The following STAU2 variants were observed in gnomAD, a reference collection of about 807,000 sequenced individuals.
The protein encoded by STAU2 is double-stranded RNA-binding protein Staufen homolog 2.
Under a neutral mutation model 65.9 loss-of-function variants are expected in STAU2, and 20 were observed. The ratio of observed to expected loss-of-function variants is 0.30; its 90% CI spans 0.21 to 0.44. The LOEUF (loss-of-function observed/expected upper bound fraction) is 0.44, where lower values mean the gene tolerates loss of function less well. STAU2 is among the 20% of genes least tolerant of loss of function. STAU2 has a pLI of 1.00. For missense variants in STAU2, 558 were observed against 683.9 expected (o/e 0.82, Z 2.05); for synonymous variants, 232 against 233.9 (o/e 0.99, Z 0.07).
intron 13 of STAU2, among the ~76,000 whole-genome samples, chr8:73,443,704 T>A (rs909200325): frequency 3.3e-5 from 5 of 152,008 alleles, no homozygotes; most frequent in African/African-American, 1.2e-4. Flanking sequence ...AAAAATTAGC[T>A]GGGTGTGGTG....
intron 6 of STAU2, among the ~76,000 whole-genome samples, chr8:73,646,741 T>C (rs1205348127): frequency 6.6e-6 from 1 of 151,898 alleles, no homozygotes; most frequent in Non-Finnish European, 1.5e-5. Flanking sequence ...ATAAAAAACT[T>C]CTGCTCTATG....
chr8:73,725,553 T>C (rs1478077664), intron 3 of STAU2, among the ~76,000 whole-genome samples: 1 of 152,208 alleles, frequency 6.6e-6, no homozygotes. Flanking sequence ...TCCCAACACT[T>C]TGGGAGGCCA....
At chr8:73,460,942 T>C (rs570539483) in intron 13 of STAU2, among the ~76,000 whole-genome samples, 7 of 152,334 alleles carry the variant, frequency 4.6e-5, no homozygotes, top group Admixed American at 2.6e-4. Context: ...ACTGTAGCTC[T>C]GAGCTTCTGT....
chr8:73,710,038 G>A (rs916905241), intron 3 of STAU2, among the ~76,000 whole-genome samples: 2 of 151,954 alleles, frequency 1.3e-5, no homozygotes, highest in African/African-American at 4.8e-5. Context: ...CTCCTCTACT[G>A]AGACACTGGG....
chr8:73,427,655 G>A (rs970345313), intron 13 of STAU2, among the ~76,000 whole-genome samples: 4 of 152,208 alleles, frequency 2.6e-5, no homozygotes, highest in African/African-American at 9.6e-5. Context: ...TCCATCAACC[G>A]GGGCCCACTG....
At chr8:73,468,696 A>G (rs1479988137) in intron 13 of STAU2, among the ~76,000 whole-genome samples, 1 of 152,274 alleles carries the variant, frequency 6.6e-6, no homozygotes, top group African/African-American at 2.4e-5. Flanking sequence ...CAACAGACAT[A>G]TGAAAAAATG....
intron 6 of STAU2, among the ~76,000 whole-genome samples, chr8:73,621,550 G>C (rs1314148649): frequency 6.6e-6 from 1 of 152,112 alleles, no homozygotes; most frequent in Non-Finnish European, 1.5e-5. Context: ...TTTTTCTCAA[G>C]TAGAATTCTG....
At chr8:73,554,549 G>A (rs943872382) in intron 12 of STAU2, among the ~76,000 whole-genome samples, 3 of 152,196 alleles carry the variant, frequency 2.0e-5, no homozygotes, top group Non-Finnish European at 4.4e-5. Context: ...CCTGCACTGT[G>A]AGGAGGGATT....
chr8:73,420,660 TG>T lies in STAU2; in HGVS notation c.*711del. On this transcript the variant is annotated 3_prime_UTR_variant, in exon 15 of 15. Transcript: ENST00000524300. ...TATAGGGGCAAGACGCCCCCTTACT[TG>T]CTAAGAGTATATGGAGCTCAAAACC... 1 of 164,556 alleles carries T rather than the reference TG, an allele frequency of 6.1e-6. No individual in the cohort carries two copies. The highest frequency in any genetic ancestry group is 5.8e-5 in the Admixed American group (1 of 17,342). 10.2% of individuals were successfully genotyped at this position (164,556 alleles called of 1,614,324 possible). A position where few individuals can be genotyped will look rare whatever the true frequency, so the allele number is the denominator to read the frequency against.
At chr8:73,668,183 CTA>C (rs1817375156) in intron 6 of STAU2, among the ~76,000 whole-genome samples, 1 of 151,962 alleles carries the variant, frequency 6.6e-6, no homozygotes, top group Non-Finnish European at 1.5e-5. Context: ...AGTCTACAGA[CTA>C]TACAGTGTAT....
At chr8:73,462,852 C>A (rs1819443685) in intron 13 of STAU2, among the ~76,000 whole-genome samples, 1 of 152,230 alleles carries the variant, frequency 6.6e-6, no homozygotes, top group Non-Finnish European at 1.5e-5. Flanking sequence ...AAGACAACTT[C>A]TTTGAGTGCC....
chr8:73,536,424 G>C (rs769546890), intron 13 of STAU2, among the ~76,000 whole-genome samples: 1 of 152,130 alleles, frequency 6.6e-6, no homozygotes, highest in Non-Finnish European at 1.5e-5. Flanking sequence ...AATCTTTTAG[G>C]CAATAACTGC....
chr8:73,432,499 T>C (rs1045007545), intron 13 of STAU2, among the ~76,000 whole-genome samples: 1 of 152,250 alleles, frequency 6.6e-6, no homozygotes, highest in Non-Finnish European at 1.5e-5. Flanking sequence ...GTTATCCTTT[T>C]CTTTCTTTGA....
At chr8:73,740,493 G>C (rs923901160) in intron 1 of STAU2, among the ~76,000 whole-genome samples, 1 of 152,096 alleles carries the variant, frequency 6.6e-6, no homozygotes, top group Non-Finnish European at 1.5e-5. Flanking sequence ...CAAAAAATGA[G>C]ATTATTCACA....
chr8:73,657,622 AT>A (rs1816479223), intron 6 of STAU2, among the ~76,000 whole-genome samples: 1 of 152,034 alleles, frequency 6.6e-6, no homozygotes, highest in South Asian at 2.1e-4. Flanking sequence ...TTATTTGCTC[AT>A]TTTTTTCTTC....
At chr8:73,615,930 G>A (rs796145024) in intron 7 of STAU2, 148 bp from the exon 8 acceptor site, 23 of 543,486 alleles carry the variant, frequency 4.2e-5, no homozygotes, top group African/African-American at 2.9e-4. Context: ...TAACCACAGC[G>A]GTCAAGGGCT....
intron 3 of STAU2, among the ~76,000 whole-genome samples, chr8:73,717,647 T>TCG (rs1206656491): frequency 6.6e-6 from 1 of 151,314 alleles, no homozygotes; most frequent in Non-Finnish European, 1.5e-5. Flanking sequence ...GTTGTTGTTG[T>TCG]TGTTGTTGTT....
intron 13 of STAU2, among the ~76,000 whole-genome samples, chr8:73,503,258 G>A (rs1360248007): frequency 6.6e-6 from 1 of 152,084 alleles, no homozygotes; most frequent in Non-Finnish European, 1.5e-5. Context: ...ACATCGAAGT[G>A]CTTTATAATG....
chr8:73,617,500 T>C (rs1812913941), intron 6 of STAU2, 49 bp from the exon 7 acceptor site: 1 of 1,526,564 alleles, frequency 6.6e-7, no homozygotes, highest in Non-Finnish European at 9.0e-7. Flanking sequence ...AAAACCACTC[T>C]ATAATCATTC....
Sources: gnomAD v4.1 joint callset for allele counts (sites outside exome capture counted in the v4.1 genomes callset) on GRCh38, gnomAD v4.1.1 for gene constraint, MANE v1.5 for transcripts, NCBI Gene and HGNC (gene_info 2026-07-23, HGNC 2026-07-21) for gene names.